Variants in MAP7 observed in about 807,000 individuals in gnomAD.
MAP7 encodes the protein microtubule associated protein 7.
MAP7 carries 52 observed loss-of-function variants against 94.8 expected under a neutral mutation model. The observed-to-expected ratio is 0.55, with a 90% CI of 0.44 to 0.69. MAP7 has a LOEUF of 0.69. Ranked by LOEUF, MAP7 falls within the 30% of genes least tolerant of loss-of-function variation. The probability of loss-of-function intolerance (pLI) is 0.00; values close to 1 mark genes in which losing one functional copy is unlikely to be tolerated. For synonymous variants in MAP7, 350 were observed against 357.0 expected (o/e 0.98, Z 0.22); for missense variants, 940 against 964.6 (o/e 0.97, Z 0.34).
At chr6:136,455,959 A>G (rs575054596) in intron 1 of MAP7, among the ~76,000 whole-genome samples, 1 of 152,370 alleles carries the variant, frequency 6.6e-6, no homozygotes, top group East Asian at 1.9e-4. Flanking sequence ...TTAAATGTGC[A>G]TACAAAACCT....
At position 136,411,625 on chromosome 6, in the gene MAP7, T is replaced by C. The variant is rs547226023; in HGVS notation, c.239A>G (p.Gln80Arg). The change falls in exon 3 of 18, where the codon CAG (glutamine) becomes CGG (arginine). Residue 80 changes from glutamine to arginine, a missense_variant. Transcript: ENST00000354570. Reference sequence around the variant, plus strand: ...GGACACGGGGCCTGGGGTACCTAGCTGTTTCTCCCGTTCCTCACGTCGCTC... The same window carrying C: ...GGACACGGGGCCTGGGGTACCTAGCCGTTTCTCCCGTTCCTCACGTCGCTC... The part of the protein sequence containing the change: ...ARERREEREK[Q>R]LAAREIVWLE... The C allele has an allele frequency of 1.5e-5, 23 of 1,559,588 alleles. No homozygotes were observed. In the South Asian group the frequency reaches 2.7e-4, roughly 18 times the overall value.
chr6:136,548,437 C>T lies in MAP7; in HGVS notation c.67+1905G>A, dbSNP rs951790330. On this transcript the variant is annotated intron_variant, in intron 1 of 17. Transcript: ENST00000354570. ...GGGGTAGAAAAATAGGAAAGAGATG[C>T]GGGGCCAGAATTAAGTTTTCAGTGA... Among the ~76,000 whole-genome samples, 9 of 151,960 alleles carry T rather than the reference C, an allele frequency of 5.9e-5. No homozygotes were observed. The South Asian group carries it at 1.2e-3, about 21-fold the overall frequency.
chr6:136,470,514 G>A (rs970783304), intron 1 of MAP7, among the ~76,000 whole-genome samples: 3 of 152,014 alleles, frequency 2.0e-5, no homozygotes, highest in Non-Finnish European at 2.9e-5. Context: ...CAAATTCAAA[G>A]TATACGATAT....
chr6:136,456,813 G>GAAGAAGAAGAAGAAGAAC (rs1803223290), intron 1 of MAP7, among the ~76,000 whole-genome samples: 1 of 83,012 alleles, frequency 1.2e-5, no homozygotes, highest in Non-Finnish European at 2.5e-5. Context: ...AGAAGAAGAA[G>GAAGAAGAAGAAGAAGAAC]AAGAAGAAGG....
intron 3 of MAP7, among the ~76,000 whole-genome samples, chr6:136,403,822 C>A (rs574829630): frequency 1.3e-4 from 20 of 152,334 alleles, no homozygotes; most frequent in African/African-American, 4.8e-4. Flanking sequence ...CTGAGCCTGA[C>A]TCATGATACA....
intron 1 of MAP7, among the ~76,000 whole-genome samples, chr6:136,535,348 A>G (rs967025814): frequency 1.8e-4 from 27 of 152,320 alleles, no homozygotes; most frequent in Admixed American, 8.5e-4. Flanking sequence ...AGCAGATGTC[A>G]GTGCCACGCT....
chr6:136,351,254 CG>C (rs1434835479), intron 16 of MAP7, among the ~76,000 whole-genome samples: 1 of 146,900 alleles, frequency 6.8e-6, no homozygotes, highest in East Asian at 2.1e-4. Context: ...AAAAAAAAAA[CG>C]AAAAAACAAA....
At chr6:136,484,788 C>T (rs868606335) in intron 1 of MAP7, among the ~76,000 whole-genome samples, 2 of 152,218 alleles carry the variant, frequency 1.3e-5, no homozygotes, top group East Asian at 1.9e-4. Context: ...CAGCCTCAAA[C>T]TCCCAGGCTC....
At chr6:136,500,771 TTCTC>T (rs1819614815) in intron 1 of MAP7, among the ~76,000 whole-genome samples, 1 of 152,220 alleles carries the variant, frequency 6.6e-6, no homozygotes, top group African/African-American at 2.4e-5. Flanking sequence ...TCTTAATTAT[TTCTC>T]TAATTTTTTA....
At chr6:136,477,215 A>G (rs1404081747) in intron 1 of MAP7, among the ~76,000 whole-genome samples, 4 of 152,238 alleles carry the variant, frequency 2.6e-5, no homozygotes, top group Non-Finnish European at 5.9e-5. Flanking sequence ...CATGGAGAAC[A>G]AAACATCACT....
At chr6:136,430,594 T>C (rs1046123164) in intron 1 of MAP7, among the ~76,000 whole-genome samples, 1 of 152,246 alleles carries the variant, frequency 6.6e-6, no homozygotes, top group South Asian at 2.1e-4. Context: ...TTAAATTTCT[T>C]ATGTAAACTT....
At chr6:136,398,610 G>T (rs1783186675) in intron 3 of MAP7, among the ~76,000 whole-genome samples, 1 of 152,174 alleles carries the variant, frequency 6.6e-6, no homozygotes, top group African/African-American at 2.4e-5. Context: ...CAAGAGATCT[G>T]AAGGTTTTAT....
intron 1 of MAP7, among the ~76,000 whole-genome samples, chr6:136,533,242 A>G (rs1047205044): frequency 4.6e-5 from 7 of 152,226 alleles, no homozygotes; most frequent in Non-Finnish European, 7.3e-5. Flanking sequence ...ATTGCACTCC[A>G]GCCTGGGCAA....
chr6:136,379,845 A>T (rs1429699395), intron 6 of MAP7, among the ~76,000 whole-genome samples: 2 of 152,232 alleles, frequency 1.3e-5, no homozygotes, highest in Non-Finnish European at 2.9e-5. Context: ...GATCTGTTTC[A>T]TATCTCCTGA....
At chr6:136,502,087 A>G in intron 1 of MAP7, among the ~76,000 whole-genome samples, 1 of 152,180 alleles carries the variant, frequency 6.6e-6, no homozygotes. Flanking sequence ...TAGATTTTTT[A>G]TGTAGCAGGG....
intron 6 of MAP7, among the ~76,000 whole-genome samples, chr6:136,379,136 T>C (rs1777036372): frequency 6.6e-6 from 1 of 152,210 alleles, no homozygotes; most frequent in Admixed American, 6.5e-5. Flanking sequence ...ATAACTATCT[T>C]AAATATATCA....
At chr6:136,354,483 T>C (rs966617686) in intron 16 of MAP7, among the ~76,000 whole-genome samples, 1 of 147,398 alleles carries the variant, frequency 6.8e-6, no homozygotes, top group African/African-American at 2.5e-5. Flanking sequence ...TAGATATATA[T>C]ACATATATAT....
At position 136,442,649 on chromosome 6, in the gene MAP7, C is replaced by G. The variant is rs546687976; in HGVS notation, c.68-20850G>C. 2.0e-5 allele frequency among the ~76,000 whole-genome samples: 3 copies of G among 152,074 alleles called. No individual in the cohort carries two copies. In the East Asian group the frequency reaches 5.8e-4, roughly 29 times the overall value. ...GATGTACATCTCTGGTTTAGAACCA[C>G]CAACTCACAGAATTTAAACTAGAAT... On this transcript the variant is annotated intron_variant, in intron 1 of 17. Coordinates refer to ENST00000354570, the MANE Select transcript of MAP7 (RefSeq NM_003980.6).
At chr6:136,407,251 A>G (rs1448384683) in intron 3 of MAP7, among the ~76,000 whole-genome samples, 1 of 152,246 alleles carries the variant, frequency 6.6e-6, no homozygotes, top group Non-Finnish European at 1.5e-5. Flanking sequence ...CCACAGTCAT[A>G]TTCTTTGGAA....
Sources: gnomAD v4.1 joint callset for allele counts (sites outside exome capture counted in the v4.1 genomes callset) on GRCh38, gnomAD v4.1.1 for gene constraint, MANE v1.5 for transcripts, NCBI Gene and HGNC (gene_info 2026-07-23, HGNC 2026-07-21) for gene names.